The following SCAF4 variants were observed in gnomAD, a reference collection of about 807,000 sequenced individuals.
SCAF4 encodes SR-related CTD associated factor 4.
A neutral mutation model predicts 129.8 loss-of-function variants in SCAF4; 25 were observed. The observed-to-expected ratio is 0.19, with a 90% CI of 0.14 to 0.27. The LOEUF (loss-of-function observed/expected upper bound fraction) is 0.27. SCAF4 is among the 10% of genes least tolerant of loss of function. The pLI is 1.00. For missense variants in SCAF4, 1,246 were observed against 1,457.1 expected (o/e 0.86, Z 2.36); for synonymous variants, 551 against 497.7 (o/e 1.11, Z -1.43).
At chr21:31,702,193 T>C (rs368521298) in intron 5 of SCAF4, 51 bp downstream of exon 5, 4 of 1,610,062 alleles carry the variant, frequency 2.5e-6, no homozygotes, top group Non-Finnish European at 3.4e-6. Flanking sequence ...GACTGTTTCA[T>C]GTGCAAAAAA....
intron 4 of SCAF4, among the ~76,000 whole-genome samples, chr21:31,703,009 T>A (rs950279720): frequency 6.6e-6 from 1 of 152,168 alleles, no homozygotes; most frequent in African/African-American, 2.4e-5. Flanking sequence ...TCCTCCTATC[T>A]ACTTATAGTC....
intron 11 of SCAF4, 132 bp downstream of exon 11, chr21:31,694,072 A>C (rs917947288): frequency 1.8e-6 from 1 of 552,910 alleles, no homozygotes; most frequent in Non-Finnish European, 3.2e-6. Context: ...CCTTCTACAC[A>C]CATATACAAA....
In SCAF4 at chr21:31,694,934, G is replaced by T. The variant is rs763419329; in HGVS notation, c.1115C>A (p.Pro372His). The T allele has an allele frequency of 1.9e-6, 3 of 1,613,962 alleles. No homozygotes were observed. Among genetic ancestry groups the T allele is most frequent in the Non-Finnish European group, 8.5e-7 (1 of 1,179,948 alleles). The change falls in exon 10 of 20, where the codon CCT (proline) becomes CAT (histidine). Residue 372 changes from proline to histidine, a missense_variant. Physicochemically the swap from Pro to His is moderately conservative, Grantham distance 77. Coordinates refer to ENST00000286835, the MANE Select transcript of SCAF4 (RefSeq NM_020706.2). ...NGQMPGFGLL[P>H]TPPFPPMAQP... The stretch of plus-strand genomic sequence containing the variant: ...AGCCATGGGAGGAAATGGAGGTGTA[G>T]GAAGAAGTCCAAATCCTGGCATTTG...
chr21:31,692,715 C>T (rs1601209102), intron 12 of SCAF4, among the ~76,000 whole-genome samples: 1 of 152,142 alleles, frequency 6.6e-6, no homozygotes, highest in Admixed American at 6.5e-5. Flanking sequence ...TCTATAAAAA[C>T]TGAAGCCAGG....
intron 1 of SCAF4, among the ~76,000 whole-genome samples, chr21:31,717,404 G>A (rs1349640044): frequency 6.6e-6 from 1 of 152,116 alleles, no homozygotes; most frequent in Non-Finnish European, 1.5e-5. Context: ...TGCTAATGGT[G>A]TTTGATGGGA....
At position 31,694,894 on chromosome 21, in the gene SCAF4, A is replaced by T; in HGVS notation, c.1155T>A (p.Pro385=). Residue 385 remains proline, a synonymous_variant, in exon 10 of 20, where the codon CCT becomes CCA. Transcript: ENST00000286835. ...AAGGCTGCTGCACTGGTGGAGTTGG[A>T]GGAATCACAGGCTGAGCCATGGGAG... is the stretch of plus-strand genomic sequence containing the variant. ...PFPPMAQPVI[P]PTPPVQQPFQ... 1.9e-6 allele frequency: 3 copies of T among 1,614,110 alleles called. No individual in the cohort carries two copies. Among genetic ancestry groups the T allele is most frequent in the Non-Finnish European group, 2.5e-6 (3 of 1,179,938 alleles).
intron 1 of SCAF4, among the ~76,000 whole-genome samples, chr21:31,727,537 GTAA>G (rs2051236256): frequency 6.6e-6 from 1 of 152,144 alleles, no homozygotes; most frequent in South Asian, 2.1e-4. Context: ...GCTCACACGT[GTAA>G]TCCCAGCACT....
intron 2 of SCAF4, among the ~76,000 whole-genome samples, chr21:31,705,671 A>G (rs1375401127): frequency 6.6e-6 from 1 of 152,102 alleles, no homozygotes. Context: ...AAATTCCCCA[A>G]ACAGAAGATC....
intron 1 of SCAF4, among the ~76,000 whole-genome samples, chr21:31,709,299 C>T (rs2123622445): frequency 6.6e-6 from 1 of 151,314 alleles, no homozygotes; most frequent in Admixed American, 6.6e-5. Context: ...CTTCCCTTCT[C>T]CTTCCCCTGG....
chr21:31,694,762 A>G (rs766630614), intron 10 of SCAF4, 51 bp downstream of exon 10: 7 of 1,558,292 alleles, frequency 4.5e-6, no homozygotes, highest in Non-Finnish European at 6.2e-6. Flanking sequence ...AAATCTGCAT[A>G]TAAGTCAAGG....
intron 1 of SCAF4, among the ~76,000 whole-genome samples, chr21:31,726,638 C>G (rs981700203): frequency 2.0e-5 from 3 of 152,144 alleles, no homozygotes; most frequent in Non-Finnish European, 4.4e-5. Flanking sequence ...GCCCTCTAGT[C>G]TGGGCCACAG....
At chr21:31,688,202 A>ATG in intron 16 of SCAF4, 105 bp downstream of exon 16, 1 of 940,736 alleles carries the variant, frequency 1.1e-6, no homozygotes, top group Non-Finnish European at 1.6e-6. Flanking sequence ...ATGCACATAT[A>ATG]TGTACTCATG....
At chr21:31,684,668 G>C (rs1168105095) in intron 19 of SCAF4, 1 of 195,744 alleles carries the variant, frequency 5.1e-6, no homozygotes, top group East Asian at 1.4e-4. Flanking sequence ...TGCCGTTAAA[G>C]AAGTATCTCC....
At chr21:31,701,246 AT>A (rs750629667) in intron 6 of SCAF4, 75 bp from the exon 7 acceptor site, 27 of 1,360,012 alleles carry the variant, frequency 2.0e-5, no homozygotes, top group Middle Eastern at 1.9e-4. Flanking sequence ...TAATAAAAAA[AT>A]GTCTTAAAGG....
At position 31,688,339 on chromosome 21, in the gene SCAF4, C is replaced by G. The variant is rs751961962; in HGVS notation, c.2011G>C (p.Val671Leu). 5.0e-6 allele frequency: 8 copies of G among 1,613,550 alleles called. No homozygotes were observed. The highest frequency in any genetic ancestry group is 6.8e-6 in the Non-Finnish European group (8 of 1,179,732). The change falls in exon 16 of 20, where the codon GTT (valine) becomes CTT (leucine). Residue 671 changes from valine to leucine, a missense_variant. Coordinates refer to ENST00000286835, the MANE Select transcript of SCAF4 (RefSeq NM_020706.2). ...PLPVPVPPIP[V>L]PAPITVPPPQ... Reference sequence around the variant, plus strand: ...GGTGGCACTGTTATAGGTGCAGGAACAGGAATAGGAGGGACAGGCACAGGT... The same window carrying G: ...GGTGGCACTGTTATAGGTGCAGGAAGAGGAATAGGAGGGACAGGCACAGGT...
At chr21:31,680,832 CTT>C (rs1475693043) in intron 19 of SCAF4, among the ~76,000 whole-genome samples, 6 of 152,296 alleles carry the variant, frequency 3.9e-5, no homozygotes, top group African/African-American at 1.4e-4. Context: ...GAAATCCAAA[CTT>C]AAGTGAAATC....
chr21:31,693,290 T>C lies in SCAF4; in HGVS notation c.1513+4A>G, dbSNP rs773337174. On this transcript the variant is annotated splice_donor_region_variant and intron_variant, in intron 12 of 19. Transcript: ENST00000286835. ...ATGAGGTTTGAATATAAAGGTTGAG[T>C]TACCACTTGCAGTTTCCGGTTTCAC... The C allele has an allele frequency of 1.4e-6, 2 of 1,458,356 alleles. No homozygotes were observed. The highest frequency in any genetic ancestry group is 9.2e-7 in the Non-Finnish European group (1 of 1,086,734). The allele number at this position is 1,458,356 out of a possible 1,614,324, so 90.3% of individuals were successfully genotyped here.
chr21:31,701,205 C>CA, intron 6 of SCAF4, 34 bp from the exon 7 acceptor site: 1 of 1,501,452 alleles, frequency 6.7e-7, no homozygotes, highest in South Asian at 1.4e-5. Context: ...AATCACAGAA[C>CA]AAAGTATAAT....
intron 1 of SCAF4, among the ~76,000 whole-genome samples, chr21:31,724,710 G>A (rs966875939): frequency 2.0e-5 from 3 of 151,936 alleles, no homozygotes; most frequent in Admixed American, 6.6e-5. Flanking sequence ...CAGTGGCTTC[G>A]TATGTGGTAA....
Sources: allele counts gnomAD v4.1 joint callset (sites outside exome capture counted in the v4.1 genomes callset), GRCh38; gene constraint gnomAD v4.1.1; transcripts MANE v1.5; gene names NCBI Gene and HGNC (gene_info 2026-07-23, HGNC 2026-07-21).